Variants in NAT10 observed in about 807,000 individuals in gnomAD.
The protein encoded by NAT10 is N-acetyltransferase 10, also known as RNA cytidine acetyltransferase.
NAT10 carries 109 observed loss-of-function variants against 132.2 expected under a neutral mutation model. That is an observed-to-expected ratio of 0.82 (90% CI 0.71 to 0.97). The LOEUF is 0.97. Ranked by LOEUF, NAT10 falls within the 50% of genes least tolerant of loss-of-function variation. The pLI is 0.00. For missense variants in NAT10, 1,184 were observed against 1,263.4 expected, an observed-to-expected ratio of 0.94 and a Z score of 0.95; for synonymous variants, 479 against 478.0, an observed-to-expected ratio of 1.00 and a Z score of -0.03.
chr11:34,136,742 G>C lies in NAT10; in HGVS notation c.2129G>C (p.Gly710Ala), dbSNP rs369326894. Residue 710 changes from glycine to alanine, a missense_variant, in exon 20 of 29, where the codon GGT becomes GCT. Physicochemically the swap from Gly to Ala is moderately conservative, Grantham distance 60 (BLOSUM62 0). Coordinates refer to ENST00000257829, the MANE Select transcript of NAT10 (RefSeq NM_024662.3). Reference protein sequence around the residue: ...ERPAERLDYLGVSYGLTPRLL... With the variant: ...ERPAERLDYLAVSYGLTPRLL... The stretch of plus-strand genomic sequence containing the variant: ...CCTGCCGAACGCCTGGATTACCTGG[G>C]TGTTTCCTATGGCTTGACCCCCAGG... 29 of 1,614,000 alleles carry C rather than the reference G, an allele frequency of 1.8e-5. No homozygotes were observed. The highest frequency in any genetic ancestry group is 2.5e-5 in the Non-Finnish European group (29 of 1,180,020).
intron 11 of NAT10, among the ~76,000 whole-genome samples, chr11:34,125,371 G>T (rs1295953167): frequency 2.6e-5 from 4 of 152,184 alleles, no homozygotes; most frequent in Admixed American, 2.0e-4. Context: ...GAAATACCCT[G>T]CCTCGGGCCT....
intron 8 of NAT10, among the ~76,000 whole-genome samples, chr11:34,121,040 A>C (rs933902507): frequency 6.6e-6 from 1 of 152,156 alleles, no homozygotes; most frequent in African/African-American, 2.4e-5. Flanking sequence ...GGGCTGAAGC[A>C]GGGTGAGTAG....
chr11:34,121,835 G>A (rs1459352787), intron 8 of NAT10, among the ~76,000 whole-genome samples: 2 of 136,634 alleles, frequency 1.5e-5, no homozygotes, highest in African/African-American at 5.7e-5. Flanking sequence ...ACTCCAGCCT[G>A]GTGACAGAGC....
At position 34,134,560 on chromosome 11, in the gene NAT10, A is replaced by C. The variant is rs200962843; in HGVS notation, c.1885A>C (p.Ile629Leu). Reference sequence around the variant, plus strand: ...TCTGTCTGGTGGAAGGGTCGTTCGCATTGCTGTTCACCCAGATTATCAAGG... The same window carrying C: ...TCTGTCTGGTGGAAGGGTCGTTCGCCTTGCTGTTCACCCAGATTATCAAGG... The part of the protein sequence containing the change: ...GGLSGGRVVR[I>L]AVHPDYQGMG... Residue 629 changes from isoleucine to leucine, a missense_variant, in exon 18 of 29, where the codon ATT becomes CTT. Transcript: ENST00000257829. 7.6e-5 allele frequency: 122 copies of C among 1,613,990 alleles called. No homozygotes were observed. The Middle Eastern group carries it at 1.2e-3, about 15-fold the overall frequency.
chr11:34,145,957 A>G, intron 28 of NAT10, 127 bp from the exon 29 acceptor site: 2 of 643,282 alleles, frequency 3.1e-6, no homozygotes, highest in South Asian at 2.0e-5. Context: ...TTAATGTCCA[A>G]TTGGGTGGCC....
In NAT10 at chr11:34,140,965, TA is replaced by T; in HGVS notation, c.2593-123del. 3 of 1,294,560 alleles carry T rather than the reference TA, an allele frequency of 2.3e-6. No homozygotes were observed. In the South Asian group the frequency reaches 4.2e-5, roughly 18 times the overall value. The allele number at this position is 1,294,560 out of a possible 1,614,324, so 80.2% of individuals were successfully genotyped here. On this transcript the variant is annotated intron_variant, in intron 24 of 28. Coordinates refer to ENST00000257829, the MANE Select transcript of NAT10 (RefSeq NM_024662.3). ...CAGGATGAAAGAGAAGATGCCAATA[TA>T]CACAGTGCTAGTCTACCTTTGTACC...
At chr11:34,132,854 T>G (rs1755619015) in intron 15 of NAT10, among the ~76,000 whole-genome samples, 172 bp from the exon 16 acceptor site, 2 of 152,238 alleles carry the variant, frequency 1.3e-5, no homozygotes, top group Admixed American at 1.3e-4. Flanking sequence ...TAACCTGTTA[T>G]GAAGAGTCTC....
rs962167789 is a variant in NAT10, at chr11:34,146,288, C to A, written c.*96C>A. On this transcript the variant is annotated 3_prime_UTR_variant, in exon 29 of 29. Coordinates refer to ENST00000257829, the MANE Select transcript of NAT10 (RefSeq NM_024662.3). Reference sequence around the variant, plus strand: ...GACTGTTAAAAGCAACGAGAGGCCCCGGCACACCTGGAAGCTGGCCGCGAA... The same window carrying A: ...GACTGTTAAAAGCAACGAGAGGCCCAGGCACACCTGGAAGCTGGCCGCGAA... 1.1e-6 allele frequency: 1 copy of A among 895,828 alleles called. No homozygotes were observed. The highest frequency in any genetic ancestry group is 1.7e-6 in the Non-Finnish European group (1 of 599,694). 55.5% of individuals were successfully genotyped at this position (895,828 alleles called of 1,614,324 possible). A position where few individuals can be genotyped will look rare whatever the true frequency, so the allele number is the denominator to read the frequency against.
In NAT10 at chr11:34,134,903, G is replaced by C. The variant is rs370149186; in HGVS notation, c.1912-272G>C. Among the ~76,000 whole-genome samples the C allele has an allele frequency of 2.0e-5, 3 of 152,272 alleles. No individual in the cohort carries two copies. In the East Asian group the frequency reaches 5.8e-4, roughly 29 times the overall value. On this transcript the variant is annotated intron_variant, in intron 18 of 28. Coordinates refer to ENST00000257829, the MANE Select transcript of NAT10 (RefSeq NM_024662.3). Reference sequence around the variant, plus strand: ...GGTACAGAAACTGCCTCTCATTTGGGCTTGCCCATCTGGAGACCAGAAAGC... The same window carrying C: ...GGTACAGAAACTGCCTCTCATTTGGCCTTGCCCATCTGGAGACCAGAAAGC...
chr11:34,133,187 C>A (rs1457249482), intron 16 of NAT10, 45 bp downstream of exon 16: 1 of 1,422,574 alleles, frequency 7.0e-7, no homozygotes, highest in South Asian at 1.1e-5. Flanking sequence ...TGGGGAACCA[C>A]TGAGGCATCA....
At position 34,132,105 on chromosome 11, in the gene NAT10, TTTC is replaced by T; in HGVS notation, c.1521-17_1521-15del. 6.3e-7 allele frequency: 1 copy of T among 1,587,240 alleles called. No homozygotes were observed. The highest frequency in any genetic ancestry group is 8.7e-7 in the Non-Finnish European group (1 of 1,155,724). ...TCTTCGGCTATTTGTTTTGTTTTGG[TTTC>T]TTAACTCCAGACCCAGGTACTATGT... On this transcript the variant is annotated splice_polypyrimidine_tract_variant and intron_variant, in intron 14 of 28. Transcript: ENST00000257829.
At chr11:34,108,624 G>A in intron 2 of NAT10, 118 bp from the exon 3 acceptor site, 1 of 948,266 alleles carries the variant, frequency 1.1e-6, no homozygotes, top group Non-Finnish European at 1.6e-6. Flanking sequence ...TAGAACCTTG[G>A]GCACTTCCCT....
chr11:34,136,380 C>A lies in NAT10; in HGVS notation c.2029-262C>A, dbSNP rs539145632. ...TACAGGCATGAGCCACCACTCCCGG[C>A]CTCTGTCAGTCGTTTCTAAACTCTT... On this transcript the variant is annotated intron_variant, in intron 19 of 28. Coordinates refer to ENST00000257829, the MANE Select transcript of NAT10 (RefSeq NM_024662.3). Among the ~76,000 whole-genome samples the A allele has an allele frequency of 2.0e-5, 3 of 152,308 alleles. No individual in the cohort carries two copies. In the South Asian group the frequency reaches 6.2e-4, roughly 32 times the overall value.
chr11:34,141,064 A>G, intron 24 of NAT10, 25 bp from the exon 25 acceptor site: 1 of 1,613,824 alleles, frequency 6.2e-7, no homozygotes, highest in Non-Finnish European at 8.5e-7. Context: ...CTAGAGGCCC[A>G]CCCAGCAGAT....
chr11:34,140,683 C>T lies in NAT10; in HGVS notation c.2592+111C>T, dbSNP rs114479884. 8.5e-4 allele frequency: 1,061 copies of T among 1,247,548 alleles called. 6 individuals carry two copies. In the African/African-American group the frequency reaches 0.015, roughly 17 times the overall value. 77.3% of individuals were successfully genotyped at this position (1,247,548 alleles called of 1,614,324 possible). On this transcript the variant is annotated intron_variant, in intron 24 of 28. Coordinates refer to ENST00000257829, the MANE Select transcript of NAT10 (RefSeq NM_024662.3). Reference sequence around the variant, plus strand: ...AATTGTGTGCCTTTAATTCCTCATACATCTGATAGGTGGGTAGTGGCATCC... The same window carrying T: ...AATTGTGTGCCTTTAATTCCTCATATATCTGATAGGTGGGTAGTGGCATCC...
rs1453878497 is a variant in NAT10 at position 34,136,738 on chromosome 11, C to T, written c.2125C>T (p.Leu709=). The T allele has an allele frequency of 6.2e-7, 1 of 1,614,176 alleles. No homozygotes were observed. The highest frequency in any genetic ancestry group is 8.5e-7 in the Non-Finnish European group (1 of 1,180,028). The change falls in exon 20 of 29, where the codon CTG becomes TTG. Residue 709 remains leucine, a synonymous_variant. Transcript: ENST00000257829. The part of the protein sequence containing the change: ...NERPAERLDY[L]GVSYGLTPRL... ...GAGGCCTGCCGAACGCCTGGATTAC[C>T]TGGGTGTTTCCTATGGCTTGACCCC...
chr11:34,125,669 A>G (rs543086996), intron 11 of NAT10, among the ~76,000 whole-genome samples: 14 of 152,334 alleles, frequency 9.2e-5, no homozygotes, highest in African/African-American at 2.6e-4. Flanking sequence ...GCTGCTAGAA[A>G]TGAGCAGGGT....
chr11:34,144,948 G>C (rs570562187), intron 28 of NAT10, among the ~76,000 whole-genome samples: 1 of 152,348 alleles, frequency 6.6e-6, no homozygotes, highest in Non-Finnish European at 1.5e-5. Context: ...CAGAGTCTCC[G>C]TTAGTCACTG....
rs746453112 is a variant in NAT10, at chr11:34,113,774, G to A, written c.431G>A (p.Gly144Asp). Reference protein sequence around the residue: ...LARTVETVEGGGLVVILLRTM... With the variant: ...LARTVETVEGDGLVVILLRTM... ...AGGACTGTAGAAACAGTGGAAGGTG[G>A]TGGGCTAGTGGTCATCCTCCTACGG... Residue 144 changes from glycine to aspartate, a missense_variant, in exon 5 of 29, where the codon GGT (glycine) becomes GAT (aspartate). Transcript: ENST00000257829. The A allele has an allele frequency of 2.5e-6, 4 of 1,614,114 alleles. No individual in the cohort carries two copies. The highest frequency in any genetic ancestry group is 3.4e-6 in the Non-Finnish European group (4 of 1,180,008).
Sources: allele counts gnomAD v4.1 joint callset (sites outside exome capture counted in the v4.1 genomes callset), GRCh38; gene constraint gnomAD v4.1.1; transcripts MANE v1.5; gene names NCBI Gene and HGNC (gene_info 2026-07-23, HGNC 2026-07-21).